RIMS4: variants seen among roughly 807,000 people sequenced by gnomAD.
RIMS4 encodes the protein regulating synaptic membrane exocytosis protein 4.
In RIMS4, 9 loss-of-function variants were observed where a neutral mutation model predicts 29.0. That is an observed-to-expected ratio of 0.31 (90% CI 0.19 to 0.54). The LOEUF (loss-of-function observed/expected upper bound fraction) is 0.54. Ranked by LOEUF, RIMS4 falls within the 20% of genes least tolerant of loss-of-function variation. The pLI, the probability that RIMS4 is intolerant of heterozygous loss-of-function variation, is 0.94. For missense variants in RIMS4, 193 were observed against 365.7 expected, an observed-to-expected ratio of 0.53 and a Z score of 3.85; for synonymous variants, 130 against 152.9, an observed-to-expected ratio of 0.85 and a Z score of 1.10.
intron 1 of RIMS4, among the ~76,000 whole-genome samples, chr20:44,795,696 T>C (rs1019395770): frequency 6.7e-6 from 1 of 149,520 alleles, no homozygotes; most frequent in African/African-American, 2.5e-5. Context: ...CTCGAATGAG[T>C]GAATGGAAGT....
intron 1 of RIMS4, among the ~76,000 whole-genome samples, chr20:44,809,648 T>G (rs569541309): frequency 6.6e-6 from 1 of 151,910 alleles, no homozygotes. Flanking sequence ...CCCCAGCCCA[T>G]GAGGGAAGGA....
At chr20:44,781,694 G>A (rs1464449152) in intron 1 of RIMS4, among the ~76,000 whole-genome samples, 1 of 152,166 alleles carries the variant, frequency 6.6e-6, no homozygotes. Flanking sequence ...ACTTTCTAAA[G>A]AAGAGGCATT....
intron 1 of RIMS4, among the ~76,000 whole-genome samples, chr20:44,787,910 C>T (rs1346486191): frequency 6.6e-6 from 1 of 152,196 alleles, no homozygotes; most frequent in Non-Finnish European, 1.5e-5. Flanking sequence ...AAGAGCCTAT[C>T]AGGAATAAGG....
intron 1 of RIMS4, among the ~76,000 whole-genome samples, chr20:44,804,949 T>A (rs1347255598): frequency 1.3e-5 from 2 of 152,150 alleles, no homozygotes; most frequent in African/African-American, 2.4e-5. Flanking sequence ...GGGTAAGGCG[T>A]GAATCCTCAT....
intron 1 of RIMS4, among the ~76,000 whole-genome samples, chr20:44,772,508 C>T (rs2066141483): frequency 6.6e-6 from 1 of 152,198 alleles, no homozygotes; most frequent in Non-Finnish European, 1.5e-5. Flanking sequence ...GTGGATGCTG[C>T]TGTTCACCCC....
At chr20:44,771,694 C>T (rs886298029) in intron 1 of RIMS4, among the ~76,000 whole-genome samples, 2 of 152,240 alleles carry the variant, frequency 1.3e-5, no homozygotes, top group African/African-American at 4.8e-5. Context: ...AATCATTTCT[C>T]TTCCTCCTCT....
chr20:44,809,535 G>T (rs924858173), intron 1 of RIMS4, among the ~76,000 whole-genome samples: 1 of 152,036 alleles, frequency 6.6e-6, no homozygotes, highest in Non-Finnish European at 1.5e-5. Flanking sequence ...TGTAGAGTTG[G>T]CGCCGCCCTA....
intron 1 of RIMS4, among the ~76,000 whole-genome samples, chr20:44,800,572 G>C (rs1242362746): frequency 6.6e-6 from 1 of 151,840 alleles, no homozygotes; most frequent in Non-Finnish European, 1.5e-5. Flanking sequence ...AGATCAGCTA[G>C]AGAGAAACTG....
At chr20:44,764,208 A>G (rs1450085633) in intron 2 of RIMS4, among the ~76,000 whole-genome samples, 129 of 148,142 alleles carry the variant, frequency 8.7e-4, no homozygotes, top group African/African-American at 3.2e-3. Context: ...CCATCCATCC[A>G]TCCACCCATC....
At chr20:44,793,631 G>C (rs891627504) in intron 1 of RIMS4, among the ~76,000 whole-genome samples, 1 of 152,190 alleles carries the variant, frequency 6.6e-6, no homozygotes, top group African/African-American at 2.4e-5. Context: ...GGGAATTTCA[G>C]GGTCCCCACG....
rs2066042219 is a variant in RIMS4 at position 44,753,165 on chromosome 20, A to G, written c.*2969T>C. 1 of 152,494 alleles carries G rather than the reference A, an allele frequency of 6.6e-6. No individual in the cohort carries two copies. Among genetic ancestry groups the G allele is most frequent in the Non-Finnish European group, 1.5e-5 (1 of 68,050 alleles). The allele number at this position is 152,494 out of a possible 1,614,324, so 9.4% of individuals were successfully genotyped here. A position where few individuals can be genotyped will look rare whatever the true frequency, so the allele number is the denominator to read the frequency against. On this transcript the variant is annotated 3_prime_UTR_variant, in exon 6 of 6. Coordinates refer to ENST00000372851, the MANE Select transcript of RIMS4 (RefSeq NM_182970.4). ...CCTGTTTCTGGGCCTCAGTTTCCCA[A>G]CCTCTCAGATGGGCTACAGCTTGTC...
intron 1 of RIMS4, among the ~76,000 whole-genome samples, chr20:44,784,990 T>A (rs990734379): frequency 1.5e-4 from 23 of 152,324 alleles, no homozygotes; most frequent in African/African-American, 1.9e-4. Context: ...GATTCAGCAC[T>A]TCTCACAACT....
In RIMS4 at chr20:44,763,079, G is replaced by T. The variant is rs562707085; in HGVS notation, c.237-4895C>A. On this transcript the variant is annotated intron_variant, in intron 2 of 5. Coordinates refer to ENST00000372851, the MANE Select transcript of RIMS4 (RefSeq NM_182970.4). ...GCTTATTGCATTAAGTGCTGCATAT[G>T]TGCTACAACTTTGACAAGTCCTTGT... Among the ~76,000 whole-genome samples, 9 of 152,346 alleles carry T rather than the reference G, an allele frequency of 5.9e-5. No homozygotes were observed. In the East Asian group the frequency reaches 1.5e-3, roughly 26 times the overall value.
chr20:44,799,177 C>A (rs2066267229), intron 1 of RIMS4, among the ~76,000 whole-genome samples: 1 of 152,162 alleles, frequency 6.6e-6, no homozygotes, highest in Non-Finnish European at 1.5e-5. Context: ...GTGGCACGCG[C>A]CTGTAGTCCC....
chr20:44,799,283 A>G (rs6031802), intron 1 of RIMS4, among the ~76,000 whole-genome samples: 9,491 of 151,900 alleles, frequency 0.062, 963 homozygotes, highest in African/African-American at 0.21. Flanking sequence ...AGACTGGGCA[A>G]CAGAGCAAGA....
At chr20:44,797,340 G>A (rs1011223261) in intron 1 of RIMS4, among the ~76,000 whole-genome samples, 20 of 152,200 alleles carry the variant, frequency 1.3e-4, no homozygotes, top group African/African-American at 4.8e-4. Context: ...CTGTAATCCT[G>A]CAAAGACTAA....
chr20:44,756,007 C>A lies in RIMS4; in HGVS notation c.*127G>T. 1 of 772,714 alleles carries A rather than the reference C, an allele frequency of 1.3e-6. No homozygotes were observed. Among genetic ancestry groups the A allele is most frequent in the South Asian group, 1.7e-5 (1 of 57,208 alleles). 47.9% of individuals were successfully genotyped at this position (772,714 alleles called of 1,614,324 possible). On this transcript the variant is annotated 3_prime_UTR_variant, in exon 6 of 6. Coordinates refer to ENST00000372851, the MANE Select transcript of RIMS4 (RefSeq NM_182970.4). This position sits in a 1 kb window ranked among gnomAD's most constrained non-coding sequence, Gnocchi z 5.9. ...AGGGGCCCAAGGGGGGGCAGGTCTC[C>A]CCGTTCTGCTTCCCCACTGTGGGGG...
chr20:44,764,748 C>A (rs1363644908), intron 2 of RIMS4, among the ~76,000 whole-genome samples: 1 of 152,180 alleles, frequency 6.6e-6, no homozygotes, highest in Non-Finnish European at 1.5e-5. Flanking sequence ...TGCACCTGAA[C>A]AAATGCAAAA....
chr20:44,804,010 T>C (rs934699218), intron 1 of RIMS4, among the ~76,000 whole-genome samples: 2 of 152,238 alleles, frequency 1.3e-5, no homozygotes, highest in Non-Finnish European at 2.9e-5. Flanking sequence ...TACATAGTCC[T>C]GTCCCACCCA....
Sources: allele counts gnomAD v4.1 joint callset (sites outside exome capture counted in the v4.1 genomes callset), GRCh38; gene constraint gnomAD v4.1.1; non-coding constraint Gnocchi (gnomAD v3.1); transcripts MANE v1.5; gene names NCBI Gene and HGNC (gene_info 2026-07-23, HGNC 2026-07-21).